Variants in KALRN observed in about 807,000 individuals in gnomAD.
KALRN encodes the protein kalirin.
In KALRN, 70 loss-of-function variants were observed where a neutral mutation model predicts 353.7. The observed-to-expected ratio is 0.20, with a 90% CI of 0.16 to 0.24. The LOEUF (loss-of-function observed/expected upper bound fraction) is 0.24, where lower values mean the gene tolerates loss of function less well. KALRN is among the 10% of genes least tolerant of loss of function. The pLI is 1.00. For missense variants in KALRN, 2,791 were observed against 3,756.7 expected, an observed-to-expected ratio of 0.74 and a Z score of 6.72; for synonymous variants, 1,391 against 1,434.8, an observed-to-expected ratio of 0.97 and a Z score of 0.69.
chr3:124,640,843 G>A lies in KALRN; in HGVS notation c.5664+3540G>A, dbSNP rs567010780. 2.6e-5 allele frequency among the ~76,000 whole-genome samples: 4 copies of A among 152,280 alleles called. No homozygotes were observed. In the South Asian group the frequency reaches 8.3e-4, roughly 32 times the overall value. On this transcript the variant is annotated intron_variant, in intron 37 of 59. Transcript: ENST00000682506. ...CAGAGGGCAGAATCTAGACCTGTGG[G>A]TGGGAGTTTTCTTCGTTCCATATGA... is the stretch of plus-strand genomic sequence containing the variant.
At chr3:124,228,561 C>T (rs1014193694) in intron 2 of KALRN, among the ~76,000 whole-genome samples, 1 of 152,210 alleles carries the variant, frequency 6.6e-6, no homozygotes, top group Non-Finnish European at 1.5e-5. Flanking sequence ...CTCTCCCATA[C>T]ATCTTGTGCA....
chr3:124,342,603 G>A (rs1319625217), intron 9 of KALRN, among the ~76,000 whole-genome samples: 2 of 151,932 alleles, frequency 1.3e-5, no homozygotes, highest in Non-Finnish European at 2.9e-5. Context: ...AAATGGATTT[G>A]GTATTCCGTT....
chr3:124,668,670 G>A (rs1002086547), intron 47 of KALRN, among the ~76,000 whole-genome samples: 1 of 152,166 alleles, frequency 6.6e-6, no homozygotes, highest in Non-Finnish European at 1.5e-5. Context: ...AAAATTTGGT[G>A]AAAAACAACT....
chr3:124,412,622 C>T (rs547133878), intron 13 of KALRN, among the ~76,000 whole-genome samples: 10 of 152,182 alleles, frequency 6.6e-5, no homozygotes, highest in African/African-American at 2.4e-4. Context: ...GAGAGTAGAC[C>T]CAGTGAAGTC....
intron 51 of KALRN, among the ~76,000 whole-genome samples, chr3:124,684,311 AC>A (rs2061466305): frequency 1.3e-5 from 2 of 152,146 alleles, no homozygotes; most frequent in African/African-American, 4.8e-5. Flanking sequence ...AACCTAAAAC[AC>A]AGATCCTGGC....
At position 124,347,181 on chromosome 3, in the gene KALRN, C is replaced by T. The variant is rs1175550310; in HGVS notation, c.1686C>T (p.Leu562=). The change falls in exon 10 of 60, where the codon CTC becomes CTT. Residue 562 remains leucine (L), a synonymous_variant. Coordinates refer to ENST00000682506, the MANE Select transcript of KALRN (RefSeq NM_001388419.1). ...DWIENHGEAF[L]SKHTGVGKSL... The stretch of plus-strand genomic sequence containing the variant: ...TTGAAAACCATGGTGAGGCCTTTCT[C>T]AGCAAACACACTGGAGTTGGGAAGT... The T allele has an allele frequency of 4.3e-6, 7 of 1,613,918 alleles. No individual in the cohort carries two copies. The African/African-American group carries it at 9.3e-5, about 22-fold the overall frequency.
intron 51 of KALRN, 194 bp downstream of exon 51, chr3:124,679,711 C>A (rs1449306634): frequency 7.6e-6 from 5 of 659,216 alleles, no homozygotes; most frequent in Non-Finnish European, 1.4e-5. Context: ...GAAAACTCTA[C>A]CTAGATTTTT....
chr3:124,454,910 G>A (rs986203684), intron 21 of KALRN, among the ~76,000 whole-genome samples: 2 of 152,124 alleles, frequency 1.3e-5, no homozygotes, highest in Non-Finnish European at 2.9e-5. Flanking sequence ...GTATCCATGG[G>A]GGGCCCTGGA....
intron 33 of KALRN, among the ~76,000 whole-genome samples, chr3:124,559,096 CA>C (rs2071619256): frequency 6.6e-6 from 1 of 152,224 alleles, no homozygotes; most frequent in Admixed American, 6.5e-5. Flanking sequence ...GATGGAGTTA[CA>C]AAGAGTGGTT....
Position 124,347,147 on chromosome 3 carries a change from T to C in KALRN, c.1652T>C (p.Leu551Ser). ...CVFQQDVQQVLDWIENHGEAF... is the reference protein window; with the variant it reads ...CVFQQDVQQVSDWIENHGEAF... ...CTGTTATCCTTCTTTGACCAGGTGTTGGACTGGATTGAAAACCATGGTGAG... is the reference window on the plus strand; with the variant it reads ...CTGTTATCCTTCTTTGACCAGGTGTCGGACTGGATTGAAAACCATGGTGAG... Residue 551 changes from leucine (L) to serine (S), a missense_variant, in exon 10 of 60, where the codon TTG (leucine) becomes TCG (serine). Leu to Ser is a moderately radical substitution (Grantham distance 145). Coordinates refer to ENST00000682506, the MANE Select transcript of KALRN (RefSeq NM_001388419.1). 6.2e-7 allele frequency: 1 copy of C among 1,614,080 alleles called. No homozygotes were observed. Among genetic ancestry groups the C allele is most frequent in the Non-Finnish European group, 8.5e-7 (1 of 1,179,988 alleles).
chr3:124,043,790 T>C lies in KALRN; in HGVS notation c.73+9977T>C, dbSNP rs527382334. Among the ~76,000 whole-genome samples, 4 of 152,252 alleles carry C rather than the reference T, an allele frequency of 2.6e-5. No individual in the cohort carries two copies. In the South Asian group the frequency reaches 8.3e-4, roughly 32 times the overall value. On this transcript the variant is annotated intron_variant, in intron 1 of 59. Coordinates refer to ENST00000682506, the MANE Select transcript of KALRN (RefSeq NM_001388419.1). ...ATCCGTTTAAAAGTGCTGGTGGCTTTCTTTTGCAAGCCGAGGTGGGACTGC... is the reference window on the plus strand; with the variant it reads ...ATCCGTTTAAAAGTGCTGGTGGCTTCCTTTTGCAAGCCGAGGTGGGACTGC...
intron 45 of KALRN, 92 bp downstream of exon 45, chr3:124,662,020 T>A: frequency 2.0e-6 from 2 of 987,224 alleles, no homozygotes; most frequent in South Asian, 1.3e-5. Context: ...CCTTGTGTCC[T>A]GCCTGTGCCT....
Position 124,135,381 on chromosome 3 carries a change from A to G in KALRN, c.74-92609A>G, listed in dbSNP as rs191184245. Among the ~76,000 whole-genome samples, 1,270 of 152,170 alleles carry G rather than the reference A, an allele frequency of 8.3e-3. 21 individuals are homozygous for G. The highest frequency in any genetic ancestry group is 0.028 in the African/African-American group (1,179 of 41,500). On this transcript the variant is annotated intron_variant, in intron 1 of 59. Transcript: ENST00000682506. ...TGGACTTTGGAGGCTTGTGGGGAAG[A>G]GTGGGAGGGGGGCAAGGGATAAAAG...
intron 2 of KALRN, 26 bp downstream of exon 2, chr3:124,228,090 G>T (rs767938273): frequency 2.5e-6 from 4 of 1,572,828 alleles, no homozygotes; most frequent in Non-Finnish European, 3.5e-6. Flanking sequence ...ACTTTCTTTT[G>T]TAAAGGACCT....
intron 1 of KALRN, among the ~76,000 whole-genome samples, chr3:124,059,952 A>G (rs1318090553): frequency 1.3e-5 from 2 of 152,220 alleles, no homozygotes; most frequent in Non-Finnish European, 2.9e-5. Flanking sequence ...TTTGGGAACC[A>G]TGGGGATGGT....
At chr3:124,095,461 T>A (rs1186382527) in intron 1 of KALRN, among the ~76,000 whole-genome samples, 2 of 152,212 alleles carry the variant, frequency 1.3e-5, no homozygotes, top group Non-Finnish European at 2.9e-5. Context: ...TCATATATGG[T>A]GCACACAGTA....
intron 6 of KALRN, among the ~76,000 whole-genome samples, chr3:124,320,797 T>C (rs979269248): frequency 6.6e-6 from 1 of 152,200 alleles, no homozygotes; most frequent in African/African-American, 2.4e-5. Context: ...GAAAAACTTA[T>C]AGACAATTCT....
chr3:124,474,789 G>C (rs2061286065), intron 26 of KALRN, 57 bp downstream of exon 26: 5 of 1,353,466 alleles, frequency 3.7e-6, no homozygotes, highest in South Asian at 1.2e-5. Context: ...ACTCTTCAGT[G>C]CCTGACCTAA....
chr3:124,671,475 C>G (rs752692384), intron 47 of KALRN, among the ~76,000 whole-genome samples, 185 bp from the exon 48 acceptor site: 1 of 152,144 alleles, frequency 6.6e-6, no homozygotes, highest in African/African-American at 2.4e-5. Context: ...CATATGGCAC[C>G]GTTTTGTTTT....
Sources: gnomAD v4.1 joint callset for allele counts (sites outside exome capture counted in the v4.1 genomes callset) on GRCh38, gnomAD v4.1.1 for gene constraint, MANE v1.5 for transcripts, NCBI Gene and HGNC (gene_info 2026-07-23, HGNC 2026-07-21) for gene names.